SLC9A1: variants seen among roughly 807,000 people sequenced by gnomAD.
The protein encoded by SLC9A1 is sodium/hydrogen exchanger 1.
Under a neutral mutation model 67.9 loss-of-function variants are expected in SLC9A1, and 22 were observed. The ratio of observed to expected loss-of-function variants is 0.32; its 90% confidence interval spans 0.23 to 0.46. The LOEUF (loss-of-function observed/expected upper bound fraction) is 0.46, where lower values mean the gene tolerates loss of function less well. Among genes scored for constraint, SLC9A1 ranks in the 20% least tolerant of loss-of-function variants. The pLI is 1.00. For missense variants in SLC9A1, 686 were observed against 1,094.8 expected (o/e 0.63, Z 5.27); for synonymous variants, 421 against 471.8 (o/e 0.89, Z 1.40).
rs890142408 is a variant in SLC9A1 at position 27,102,610 on chromosome 1, A to G, written c.1647-52T>C. ...GGCGCCAGCTTCCAGGAGTGGGGAGATGCCCAGGCCCAGGAGACCCTTGCC... is the reference window on the plus strand; with the variant it reads ...GGCGCCAGCTTCCAGGAGTGGGGAGGTGCCCAGGCCCAGGAGACCCTTGCC... On this transcript the variant is annotated intron_variant, in intron 7 of 11. Coordinates refer to ENST00000263980, the MANE Select transcript of SLC9A1 (RefSeq NM_003047.5). The G allele has an allele frequency of 2.5e-6, 4 of 1,611,626 alleles. No homozygotes were observed. In the Admixed American group the frequency reaches 6.7e-5, roughly 27 times the overall value.
chr1:27,131,690 T>C (rs2083385392), intron 1 of SLC9A1, among the ~76,000 whole-genome samples: 1 of 145,138 alleles, frequency 6.9e-6, no homozygotes, highest in Non-Finnish European at 1.5e-5. Context: ...GGAGTTGCAG[T>C]GATCTGAGAT....
chr1:27,114,249 C>T lies in SLC9A1; in HGVS notation c.390G>A (p.Pro130=), dbSNP rs575616550. 2.2e-5 allele frequency: 36 copies of T among 1,613,500 alleles called. No homozygotes were observed. The highest frequency in any genetic ancestry group is 1.3e-4 in the South Asian group (12 of 91,068). ...CCACCACGATCAGCAGGCAGCTCTC[C>T]GGGACGATGCTTGAGATAGTGGGGA... ...HVIPTISSIV[P]ESCLLIVVGL... Residue 130 remains proline (P), a synonymous_variant, in exon 2 of 12, where the codon CCG becomes CCA. Transcript: ENST00000263980. This position sits in a 1 kb window ranked among gnomAD's most constrained non-coding sequence, Gnocchi z 5.4.
intron 6 of SLC9A1, among the ~76,000 whole-genome samples, 174 bp downstream of exon 6, chr1:27,103,049 G>T (rs2083159078): frequency 2.0e-5 from 3 of 152,162 alleles, no homozygotes; most frequent in African/African-American, 7.2e-5. Context: ...GCTCCCAGCT[G>T]CTCACACCAC....
chr1:27,131,617 G>A (rs1158122104), intron 1 of SLC9A1, among the ~76,000 whole-genome samples: 2 of 151,328 alleles, frequency 1.3e-5, no homozygotes, highest in South Asian at 4.2e-4. Context: ...GCGTGGTGGC[G>A]CGCGCCTGTA....
At chr1:27,103,564 C>A (rs543476253) in intron 5 of SLC9A1, 55 of 531,884 alleles carry the variant, frequency 1.0e-4, no homozygotes, top group Non-Finnish European at 1.6e-4. Flanking sequence ...GTCATCTGGC[C>A]TGGGCCAGGC....
chr1:27,151,909 C>A (rs1482430728), intron 1 of SLC9A1, among the ~76,000 whole-genome samples: 1 of 152,164 alleles, frequency 6.6e-6, no homozygotes, highest in Non-Finnish European at 1.5e-5. Context: ...GGAAAGGAGA[C>A]CACATCCAGC....
At chr1:27,126,706 G>A (rs996666505) in intron 1 of SLC9A1, among the ~76,000 whole-genome samples, 3 of 152,298 alleles carry the variant, frequency 2.0e-5, no homozygotes, top group Admixed American at 2.0e-4. Flanking sequence ...GCCTCAGCAC[G>A]GAGCCTGACA....
At chr1:27,149,438 T>C (rs2083511893) in intron 1 of SLC9A1, among the ~76,000 whole-genome samples, 1 of 152,256 alleles carries the variant, frequency 6.6e-6, no homozygotes, top group Admixed American at 6.5e-5. Context: ...CTGACACTAC[T>C]CTGTAGATAC....
intron 4 of SLC9A1, among the ~76,000 whole-genome samples, chr1:27,107,284 A>G (rs1392260372): frequency 3.0e-5 from 1 of 33,546 alleles, no homozygotes; most frequent in African/African-American, 1.1e-4. Context: ...CCCTCCACAC[A>G]ACTATACACA....
At position 27,102,721 on chromosome 1, in the gene SLC9A1, C is replaced by A; in HGVS notation, c.1598G>T (p.Gly533Val). The change falls in exon 7 of 12, where the codon GGC becomes GTC. Residue 533 changes from glycine to valine, a missense_variant. By Grantham distance (109) the Gly-to-Val change is moderately radical. Around this residue, in one of 7 missense-constraint regions of SLC9A1, gnomAD observed 168 missense variants for 375.4 expected, o/e 0.45. Transcript: ENST00000263980. ...HTQFLDHLLTGIEDICGHYGH... is the reference protein window; with the variant it reads ...HTQFLDHLLTVIEDICGHYGH... ...GTAGTGGCCACAGATGTCTTCGATGCCTGTCAGAAGGTGGTCCAGGAACTG... is the reference window on the plus strand; with the variant it reads ...GTAGTGGCCACAGATGTCTTCGATGACTGTCAGAAGGTGGTCCAGGAACTG... 1 of 1,613,800 alleles carries A rather than the reference C, an allele frequency of 6.2e-7. No individual in the cohort carries two copies. Among genetic ancestry groups the A allele is most frequent in the Non-Finnish European group, 8.5e-7 (1 of 1,179,950 alleles).
At chr1:27,140,722 G>C (rs1186618991) in intron 1 of SLC9A1, among the ~76,000 whole-genome samples, 1 of 152,170 alleles carries the variant, frequency 6.6e-6, no homozygotes. Context: ...TGCTTTTATA[G>C]CTACACATCA....
intron 1 of SLC9A1, among the ~76,000 whole-genome samples, chr1:27,146,547 C>A (rs2083486484): frequency 6.6e-6 from 1 of 152,216 alleles, no homozygotes; most frequent in Admixed American, 6.5e-5. Context: ...TGAAGTCAGA[C>A]AAATCTGGGC....
At chr1:27,102,850 G>T in intron 6 of SLC9A1, 107 bp from the exon 7 acceptor site, 2 of 1,021,060 alleles carry the variant, frequency 2.0e-6, no homozygotes, top group Non-Finnish European at 3.0e-6. Context: ...GCTGGGTCCA[G>T]CCCTGTGGTT....
intron 2 of SLC9A1, among the ~76,000 whole-genome samples, chr1:27,111,925 C>T (rs905601075): frequency 6.6e-6 from 1 of 152,216 alleles, no homozygotes; most frequent in Non-Finnish European, 1.5e-5. Flanking sequence ...CATGGGTCCA[C>T]AAATGGCTGG....
In SLC9A1 at chr1:27,102,696, G is replaced by A. The variant is rs757481514; in HGVS notation, c.1623C>T (p.Tyr541=). 13 of 1,613,760 alleles carry A rather than the reference G, an allele frequency of 8.1e-6. No homozygotes were observed. The highest frequency in any genetic ancestry group is 4.4e-5 in the South Asian group (4 of 91,058). The change falls in exon 7 of 12, where the codon TAC becomes TAT. Residue 541 remains tyrosine, a synonymous_variant. Coordinates refer to ENST00000263980, the MANE Select transcript of SLC9A1 (RefSeq NM_003047.5). ...ACTTGTCCTTCCAGTGGTGGTGACC[G>A]TAGTGGCCACAGATGTCTTCGATGC... is the stretch of plus-strand genomic sequence containing the variant. ...LTGIEDICGH[Y]GHHHWKDKLN...
intron 1 of SLC9A1, among the ~76,000 whole-genome samples, chr1:27,150,804 C>G (rs1458508840): frequency 2.0e-5 from 3 of 152,146 alleles, no homozygotes; most frequent in Non-Finnish European, 4.4e-5. Flanking sequence ...AAGAGTCTAC[C>G]CGAGGCTCTG....
chr1:27,100,430 G>T lies in SLC9A1; in HGVS notation c.2325C>A (p.Asp775Glu), dbSNP rs770127268. The T allele has an allele frequency of 1.9e-6, 3 of 1,612,690 alleles. No individual in the cohort carries two copies. The highest frequency in any genetic ancestry group is 2.7e-5 in the African/African-American group (2 of 75,040). Residue 775 changes from aspartate (D) to glutamate (E), a missense_variant, in exon 12 of 12, where the codon GAC (aspartate) becomes GAA (glutamate). Asp to Glu is a conservative substitution (Grantham distance 45). This residue lies in a region of SLC9A1 where 226 missense variants were observed against 282.4 expected (regional missense o/e 0.80). Transcript: ENST00000263980. This position sits in a 1 kb window ranked among gnomAD's most constrained non-coding sequence, Gnocchi z 5.6. ...RSKETSSPGT[D>E]DVFTPAPSDS... ...CACTGGGCGCGGGGGTGAAGACATC[G>T]TCGGTTCCTGGGGACGAAGTCTCCT...
At chr1:27,141,505 A>C (rs186067360) in intron 1 of SLC9A1, among the ~76,000 whole-genome samples, 1 of 152,336 alleles carries the variant, frequency 6.6e-6, no homozygotes, top group Admixed American at 6.5e-5. Flanking sequence ...TGCACAGCCT[A>C]CTGGGATCTT....
chr1:27,154,219 A>C lies in SLC9A1; in HGVS notation c.116T>G (p.Leu39Arg). ...LPVLRSHGLQ[L>R]SPTASTIRSS... Reference sequence around the variant, plus strand: ...TCGAATGGTGCTGGCAGTTGGGCTGAGCTGGAGGCCATGGCTCCTGAGAAC... The same window carrying C: ...TCGAATGGTGCTGGCAGTTGGGCTGCGCTGGAGGCCATGGCTCCTGAGAAC... The change falls in exon 1 of 12, where the codon CTC becomes CGC. Residue 39 changes from leucine to arginine, a missense_variant. Leu to Arg is a moderately radical substitution (Grantham distance 102). Coordinates refer to ENST00000263980, the MANE Select transcript of SLC9A1 (RefSeq NM_003047.5). 6.2e-7 allele frequency: 1 copy of C among 1,614,112 alleles called. No individual in the cohort carries two copies.
Sources: gnomAD v4.1 joint callset for allele counts (sites outside exome capture counted in the v4.1 genomes callset) on GRCh38, gnomAD v4.1.1 for gene constraint, gnomAD v4.1.1 regional missense constraint, Gnocchi (gnomAD v3.1) non-coding constraint, MANE v1.5 for transcripts, NCBI Gene and HGNC (gene_info 2026-07-23, HGNC 2026-07-21) for gene names.